The following SLC2A9 variants were observed in gnomAD, a reference collection of about 807,000 sequenced individuals.
The protein encoded by SLC2A9 is solute carrier family 2 member 9, also known as solute carrier family 2, facilitated glucose transporter member 9.
In SLC2A9, 39 loss-of-function variants were observed where a neutral mutation model predicts 50.6. The ratio of observed to expected loss-of-function variants is 0.77; its 90% CI spans 0.60 to 1.01. The LOEUF (loss-of-function observed/expected upper bound fraction) is 1.01, where lower values mean the gene tolerates loss of function less well. SLC2A9 is among the 50% of genes least tolerant of loss of function. The pLI is 0.00. For synonymous variants in SLC2A9, 324 were observed against 276.9 expected (o/e 1.17, Z -1.69); for missense variants, 686 against 677.6 (o/e 1.01, Z -0.14).
chr4:9,811,617 C>G (rs555411367), intron 3 of SLC2A9, among the ~76,000 whole-genome samples: 4 of 152,138 alleles, frequency 2.6e-5, no homozygotes, highest in Non-Finnish European at 5.9e-5. Flanking sequence ...CACCTGGCCA[C>G]AAATGACTGA....
intron 2 of SLC2A9, among the ~76,000 whole-genome samples, chr4:10,018,040 T>C (rs898115898): frequency 6.6e-6 from 1 of 151,974 alleles, no homozygotes; most frequent in Non-Finnish European, 1.5e-5. Flanking sequence ...CTGTGGGTGG[T>C]GGTAGGTCAA....
At chr4:9,823,085 C>T (rs931643428), downstream of SLC2A9, among the ~76,000 whole-genome samples, 3 of 152,262 alleles carry the variant, frequency 2.0e-5, no homozygotes, top group African/African-American at 7.2e-5. Flanking sequence ...TAGTTATGAT[C>T]AGTGGGAGAA....
At chr4:9,789,019 G>A (rs1719571530) in intron 3 of SLC2A9, among the ~76,000 whole-genome samples, 1 of 152,150 alleles carries the variant, frequency 6.6e-6, no homozygotes, top group African/African-American at 2.4e-5. Context: ...ATGGATACAT[G>A]TATATACATG....
At chr4:10,005,760 T>C (rs1417439689) in intron 2 of SLC2A9, among the ~76,000 whole-genome samples, 1 of 152,226 alleles carries the variant, frequency 6.6e-6, no homozygotes, top group Non-Finnish European at 1.5e-5. Flanking sequence ...ACTGAGTCTT[T>C]CTGTGGCCTT....
chr4:9,933,863 T>C lies in SLC2A9; in HGVS notation c.814+8050A>G, dbSNP rs118155776. 7.2e-4 allele frequency among the ~76,000 whole-genome samples: 109 copies of C among 152,316 alleles called. 2 individuals carry two copies. The East Asian group carries it at 0.021, about 29-fold the overall frequency. On this transcript the variant is annotated intron_variant, in intron 6 of 11. Coordinates refer to ENST00000264784, the MANE Select transcript of SLC2A9 (RefSeq NM_020041.3). Reference sequence around the variant, plus strand: ...CTTGGCTCCTGGTCCCATTCCTCCATCTTCAATGCCAGCAACCTTGGGCCA... The same window carrying C: ...CTTGGCTCCTGGTCCCATTCCTCCACCTTCAATGCCAGCAACCTTGGGCCA...
chr4:9,780,255 G>C (rs1391529988), intron 3 of SLC2A9, among the ~76,000 whole-genome samples: 4 of 152,200 alleles, frequency 2.6e-5, no homozygotes, highest in Non-Finnish European at 4.4e-5. Context: ...CTGGAGGCCA[G>C]GAAAGTGCCA....
At chr4:9,822,606 A>T (rs1401406080), downstream of SLC2A9, among the ~76,000 whole-genome samples, 3 of 152,198 alleles carry the variant, frequency 2.0e-5, no homozygotes, top group South Asian at 4.1e-4. Context: ...CACATAGCAT[A>T]TAGATGGGCC....
At chr4:9,991,332 G>A (rs1317484901) in intron 3 of SLC2A9, among the ~76,000 whole-genome samples, 2 of 152,230 alleles carry the variant, frequency 1.3e-5, no homozygotes, top group African/African-American at 2.4e-5. Context: ...AGAAGAGGTT[G>A]TCAGCAGCAC....
chr4:9,890,144 C>T (rs1737098662), intron 9 of SLC2A9, among the ~76,000 whole-genome samples: 1 of 152,146 alleles, frequency 6.6e-6, no homozygotes, highest in African/African-American at 2.4e-5. Flanking sequence ...AGTTTCATTA[C>T]AAGTAAGGAA....
intron 7 of SLC2A9, among the ~76,000 whole-genome samples, chr4:9,916,738 A>G (rs1742910785): frequency 6.6e-6 from 1 of 152,224 alleles, no homozygotes; most frequent in Non-Finnish European, 1.5e-5. Flanking sequence ...AGTAGATAAG[A>G]GAACCACCAT....
chr4:9,868,673 CCTCT>C (rs562955043), intron 10 of SLC2A9, among the ~76,000 whole-genome samples: 214 of 152,280 alleles, frequency 1.4e-3, no homozygotes, highest in African/African-American at 4.9e-3. Flanking sequence ...TGAAGCTCTC[CCTCT>C]GTCACCCCAG....
chr4:9,771,486 C>T (rs1577221791), intron 1 of SLC2A9: 9 of 398,812 alleles, frequency 2.3e-5, no homozygotes, highest in East Asian at 3.6e-5. Context: ...CCCAACACAA[C>T]TGCCAAAGAG....
Position 10,021,350 on chromosome 4 carries a change from G to A in SLC2A9, c.80C>T (p.Pro27Leu). 1 of 1,614,248 alleles carries A rather than the reference G, an allele frequency of 6.2e-7. No individual in the cohort carries two copies. The highest frequency in any genetic ancestry group is 8.5e-7 in the Non-Finnish European group (1 of 1,180,046). ...CTCCAGCAGTGCCCTCCCTGGCCCT[G>A]GAGGCCCGGCGTGGCTGGTGTCATC... ...LTDDTSHAGP[P>L]GPGRALLECD... is the part of the protein sequence containing the mutation. The change falls in exon 1 of 12, where the codon CCA (proline) becomes CTA (leucine). Residue 27 changes from proline to leucine, a missense_variant. Coordinates refer to ENST00000264784, the MANE Select transcript of SLC2A9 (RefSeq NM_020041.3).
At chr4:9,938,051 A>C (rs1288431772) in intron 6 of SLC2A9, among the ~76,000 whole-genome samples, 1 of 152,188 alleles carries the variant, frequency 6.6e-6, no homozygotes, top group Admixed American at 6.5e-5. Flanking sequence ...GCATGCCTTC[A>C]TAATGCTACA....
chr4:9,893,006 C>T (rs1737810998), intron 8 of SLC2A9, among the ~76,000 whole-genome samples: 1 of 152,190 alleles, frequency 6.6e-6, no homozygotes, highest in Admixed American at 6.5e-5. Flanking sequence ...GGTAAAAGAA[C>T]AGAGGCACAG....
chr4:9,859,384 T>G (rs1731248636), intron 10 of SLC2A9, among the ~76,000 whole-genome samples: 1 of 152,228 alleles, frequency 6.6e-6, no homozygotes, highest in African/African-American at 2.4e-5. Context: ...AGAGCTATAT[T>G]GACTGGTAAG....
chr4:9,796,539 C>T (rs1275695694), downstream of SLC2A9, among the ~76,000 whole-genome samples: 2 of 152,156 alleles, frequency 1.3e-5, no homozygotes, highest in Non-Finnish European at 2.9e-5. Flanking sequence ...TAGAACAATA[C>T]CTGGTGTGTT....
intron 7 of SLC2A9, among the ~76,000 whole-genome samples, chr4:9,911,381 G>A (rs1355162803): frequency 6.6e-6 from 1 of 152,166 alleles, no homozygotes; most frequent in Non-Finnish European, 1.5e-5. Flanking sequence ...GAGTGGGAAG[G>A]TGACTGCCTT....
At chr4:9,928,309 A>G (rs1745280645) in intron 6 of SLC2A9, among the ~76,000 whole-genome samples, 1 of 152,248 alleles carries the variant, frequency 6.6e-6, no homozygotes, top group Admixed American at 6.5e-5. Context: ...CTGTTGCTTC[A>G]GGATAAAGAT....
Sources: gnomAD v4.1 joint callset for allele counts (sites outside exome capture counted in the v4.1 genomes callset) on GRCh38, gnomAD v4.1.1 for gene constraint, MANE v1.5 for transcripts, NCBI Gene and HGNC (gene_info 2026-07-23, HGNC 2026-07-21) for gene names.